Variants in TMEM117 observed in about 807,000 individuals in gnomAD.
The protein encoded by TMEM117 is transmembrane protein 117.
TMEM117 carries 27 observed loss-of-function variants against 52.4 expected under a neutral mutation model. The ratio of observed to expected loss-of-function variants is 0.51; its 90% CI spans 0.38 to 0.71. The LOEUF (loss-of-function observed/expected upper bound fraction) is 0.71. Ranked by LOEUF, TMEM117 falls within the 30% of genes least tolerant of loss-of-function variation. The pLI, the probability that TMEM117 is intolerant of heterozygous loss-of-function variation, is 0.00. For synonymous variants in TMEM117, 215 were observed against 206.3 expected (o/e 1.04, Z -0.36); for missense variants, 556 against 630.5 (o/e 0.88, Z 1.26).
At chr12:44,344,206 T>C (rs1951453791) in intron 6 of TMEM117, among the ~76,000 whole-genome samples, 1 of 152,150 alleles carries the variant, frequency 6.6e-6, no homozygotes, top group African/African-American at 2.4e-5. Context: ...AAACATCTGC[T>C]GCTTTACATA....
intron 3 of TMEM117, among the ~76,000 whole-genome samples, chr12:44,127,549 G>A (rs1948346015): frequency 6.6e-6 from 1 of 152,072 alleles, no homozygotes; most frequent in Admixed American, 6.5e-5. Context: ...GTTGGTGCAT[G>A]CCTATAATCC....
At chr12:44,018,837 A>C (rs1946412331) in intron 3 of TMEM117, among the ~76,000 whole-genome samples, 1 of 151,094 alleles carries the variant, frequency 6.6e-6, no homozygotes, top group South Asian at 2.1e-4. Context: ...CTCCTGCCTC[A>C]GCCTCCCGAG....
chr12:44,206,535 T>C (rs1264398999), intron 4 of TMEM117, among the ~76,000 whole-genome samples: 1 of 152,218 alleles, frequency 6.6e-6, no homozygotes, highest in East Asian at 1.9e-4. Flanking sequence ...GCAGCACTAT[T>C]CACAATAGCA....
chr12:44,197,799 C>T (rs1434214867), intron 4 of TMEM117, among the ~76,000 whole-genome samples: 2 of 152,140 alleles, frequency 1.3e-5, no homozygotes, highest in Non-Finnish European at 2.9e-5. Context: ...AATAATAAAA[C>T]AGTCCATCAC....
intron 3 of TMEM117, among the ~76,000 whole-genome samples, chr12:43,964,632 T>A (rs1174208212): frequency 2.0e-5 from 3 of 152,128 alleles, no homozygotes; most frequent in African/African-American, 7.2e-5. Flanking sequence ...AGTTGGCCAG[T>A]CAGGATAAGT....
chr12:44,223,597 G>C (rs1949819614), intron 5 of TMEM117, among the ~76,000 whole-genome samples: 1 of 152,148 alleles, frequency 6.6e-6, no homozygotes, highest in Non-Finnish European at 1.5e-5. Flanking sequence ...AGAGTGTTCT[G>C]CTTTTCTCCA....
intron 5 of TMEM117, among the ~76,000 whole-genome samples, chr12:44,265,437 A>G (rs1950366329): frequency 6.6e-6 from 1 of 152,198 alleles, no homozygotes; most frequent in Non-Finnish European, 1.5e-5. Context: ...TGGAGCATGT[A>G]TCATAGAGAG....
chr12:44,325,362 A>G (rs923820106), intron 6 of TMEM117, among the ~76,000 whole-genome samples: 1 of 152,168 alleles, frequency 6.6e-6, no homozygotes, highest in Non-Finnish European at 1.5e-5. Flanking sequence ...AGGTTTTGCC[A>G]TCAGGTCCAG....
chr12:43,946,803 G>T (rs970289385), intron 3 of TMEM117, among the ~76,000 whole-genome samples: 2 of 152,186 alleles, frequency 1.3e-5, no homozygotes, highest in Admixed American at 6.5e-5. Flanking sequence ...CAGGAGATAT[G>T]CTTAGGAAAT....
intron 4 of TMEM117, among the ~76,000 whole-genome samples, chr12:44,186,581 G>A (rs1210334895): frequency 6.6e-6 from 1 of 152,018 alleles, no homozygotes; most frequent in Non-Finnish European, 1.5e-5. Flanking sequence ...TCTCACAATA[G>A]CCTATTTTTG....
At chr12:44,316,038 C>G (rs1176597003) in intron 6 of TMEM117, among the ~76,000 whole-genome samples, 3 of 152,100 alleles carry the variant, frequency 2.0e-5, no homozygotes, top group African/African-American at 7.2e-5. Flanking sequence ...CTCTCTGTGT[C>G]TTCTTAGTGA....
chr12:43,803,132 T>C, the TMEM117 span, among the ~76,000 whole-genome samples: 4 of 152,172 alleles, frequency 2.6e-5, no homozygotes, highest in African/African-American at 7.2e-5. Flanking sequence ...ATGTGTGGCA[T>C]AGTCATATAA....
chr12:43,869,088 A>G (rs545196940), intron 2 of TMEM117, among the ~76,000 whole-genome samples: 1 of 152,198 alleles, frequency 6.6e-6, no homozygotes, highest in Non-Finnish European at 1.5e-5. Flanking sequence ...AAAATCCACT[A>G]ACGAAATATA....
chr12:44,184,482 G>C (rs1949249503), intron 4 of TMEM117, among the ~76,000 whole-genome samples: 1 of 152,170 alleles, frequency 6.6e-6, no homozygotes, highest in Admixed American at 6.6e-5. Context: ...TGGGGCAGAT[G>C]GGGAGGGGAG....
At chr12:43,940,437 A>T (rs1167173983) in intron 2 of TMEM117, among the ~76,000 whole-genome samples, 1 of 152,244 alleles carries the variant, frequency 6.6e-6, no homozygotes, top group Non-Finnish European at 1.5e-5. Context: ...TTTGGTGAAG[A>T]GAACACAGCA....
At chr12:43,916,597 T>C (rs1219385039) in intron 2 of TMEM117, among the ~76,000 whole-genome samples, 4 of 152,218 alleles carry the variant, frequency 2.6e-5, no homozygotes, top group Non-Finnish European at 4.4e-5. Flanking sequence ...TTACTACTTA[T>C]ATCACTCTGA....
intron 3 of TMEM117, among the ~76,000 whole-genome samples, chr12:44,082,314 T>G (rs1947494425): frequency 2.0e-5 from 3 of 151,998 alleles, no homozygotes; most frequent in Admixed American, 1.3e-4. Context: ...TGTATGAAAC[T>G]TAATTGATAC....
intron 2 of TMEM117, among the ~76,000 whole-genome samples, chr12:43,899,814 G>T (rs898205392): frequency 5.3e-5 from 8 of 152,118 alleles, no homozygotes; most frequent in Non-Finnish European, 1.0e-4. Context: ...GTATTAGAAA[G>T]AAGATGAGCT....
chr12:44,383,525 T>C (rs1441012173), intron 7 of TMEM117, among the ~76,000 whole-genome samples: 2 of 152,280 alleles, frequency 1.3e-5, no homozygotes, highest in East Asian at 3.9e-4. Flanking sequence ...CACGCAGTGA[T>C]TTCTCATTAG....
Sources: allele counts gnomAD v4.1 joint callset (sites outside exome capture counted in the v4.1 genomes callset), GRCh38; gene constraint gnomAD v4.1.1; transcripts MANE v1.5; gene names NCBI Gene and HGNC (gene_info 2026-07-23, HGNC 2026-07-21).